Variants in ZNF804B observed in about 807,000 individuals in gnomAD.
ZNF804B encodes the protein zinc finger protein 804B.
ZNF804B carries 80 observed loss-of-function variants against 101.4 expected under a neutral mutation model. The ratio of observed to expected loss-of-function variants is 0.79; its 90% CI spans 0.66 to 0.95. The LOEUF is 0.95. Ranked by LOEUF, ZNF804B falls within the 40% of genes least tolerant of loss-of-function variation. ZNF804B has a pLI of 0.00. For missense variants in ZNF804B, 1,673 were observed against 1,561.9 expected (o/e 1.07, Z -1.20); for synonymous variants, 622 against 558.8 (o/e 1.11, Z -1.59).
intron 1 of ZNF804B, among the ~76,000 whole-genome samples, chr7:89,078,260 G>A (rs1043124582): frequency 6.6e-6 from 1 of 151,888 alleles, no homozygotes; most frequent in African/African-American, 2.4e-5. Flanking sequence ...TGAGCACTGC[G>A]GGAAATCAAG....
At chr7:89,318,237 G>A (rs1017438322) in intron 2 of ZNF804B, among the ~76,000 whole-genome samples, 1 of 152,150 alleles carries the variant, frequency 6.6e-6, no homozygotes, top group East Asian at 1.9e-4. Flanking sequence ...TAATAGGAAT[G>A]GAAAGAGGAG....
In ZNF804B at chr7:88,908,378, T is replaced by G. The variant is rs1305797493; in HGVS notation, c.108+148294T>G. 2.0e-5 allele frequency among the ~76,000 whole-genome samples: 3 copies of G among 151,706 alleles called. No homozygotes were observed. In the East Asian group the frequency reaches 5.8e-4, roughly 29 times the overall value. ...CTCCCAGAAAAATAATGAACACCTG[T>G]ACATATAATTTGAAAAAGTAACACA... On this transcript the variant is annotated intron_variant, in intron 1 of 3. Coordinates refer to ENST00000333190, the MANE Select transcript of ZNF804B (RefSeq NM_181646.5).
At chr7:89,084,696 C>T (rs1267971573) in intron 1 of ZNF804B, among the ~76,000 whole-genome samples, 9 of 151,840 alleles carry the variant, frequency 5.9e-5, no homozygotes, top group Non-Finnish European at 5.9e-5. Context: ...TAAATGTCTT[C>T]AAATGTTTAG....
intron 1 of ZNF804B, among the ~76,000 whole-genome samples, chr7:88,970,906 C>T (rs1405573818): frequency 1.3e-5 from 2 of 149,074 alleles, no homozygotes; most frequent in African/African-American, 4.9e-5. Context: ...CAACATGGCA[C>T]ATGTATACAT....
intron 1 of ZNF804B, among the ~76,000 whole-genome samples, chr7:89,217,467 A>T (rs1438855098): frequency 6.6e-6 from 1 of 152,196 alleles, no homozygotes; most frequent in Non-Finnish European, 1.5e-5. Context: ...GAGATAATTC[A>T]TACACCTTGT....
At chr7:89,241,049 G>C (rs1191874424) in intron 2 of ZNF804B, among the ~76,000 whole-genome samples, 1 of 151,938 alleles carries the variant, frequency 6.6e-6, no homozygotes, top group African/African-American at 2.4e-5. Flanking sequence ...TCTCCCAACT[G>C]TCAGTACCTA....
At position 88,914,476 on chromosome 7, in the gene ZNF804B, A is replaced by AT. The variant is rs1330513298; in HGVS notation, c.108+154398dup. Among the ~76,000 whole-genome samples, 22 of 152,242 alleles carry AT rather than the reference A, an allele frequency of 1.4e-4. 1 individual carries two copies. Among genetic ancestry groups the AT allele is most frequent in the African/African-American group, 4.8e-4 (20 of 41,560 alleles). ...GAGCAACACTTGAAGTGGAATACCAATTTTTTGACCCTAGCCAGCAGTGCC... is the reference window on the plus strand; with the variant it reads ...GAGCAACACTTGAAGTGGAATACCAATTTTTTTGACCCTAGCCAGCAGTGCC... On this transcript the variant is annotated intron_variant, in intron 1 of 3. Transcript: ENST00000333190.
At chr7:89,206,894 A>G (rs1000222484) in intron 1 of ZNF804B, among the ~76,000 whole-genome samples, 4 of 152,184 alleles carry the variant, frequency 2.6e-5, no homozygotes, top group African/African-American at 9.7e-5. Context: ...AAGTTTCACA[A>G]ATCCCTATGG....
At chr7:89,100,589 T>C (rs1463964069) in intron 1 of ZNF804B, among the ~76,000 whole-genome samples, 1 of 152,096 alleles carries the variant, frequency 6.6e-6, no homozygotes, top group Non-Finnish European at 1.5e-5. Context: ...ATTACAATAA[T>C]ATATAAGGTG....
chr7:88,788,429 G>A (rs997884432), intron 1 of ZNF804B, among the ~76,000 whole-genome samples: 10 of 152,062 alleles, frequency 6.6e-5, no homozygotes, highest in African/African-American at 9.6e-5. Context: ...TGTTCTGACC[G>A]TTACCACCCC....
At chr7:89,297,571 T>G (rs772216646) in intron 2 of ZNF804B, among the ~76,000 whole-genome samples, 4 of 152,084 alleles carry the variant, frequency 2.6e-5, no homozygotes, top group African/African-American at 4.8e-5. Flanking sequence ...GCTGCAGAAC[T>G]TTGACATTTC....
chr7:89,199,364 G>A (rs180949805), intron 1 of ZNF804B, among the ~76,000 whole-genome samples: 21 of 151,902 alleles, frequency 1.4e-4, no homozygotes, highest in Admixed American at 7.9e-4. Flanking sequence ...AATTATTACA[G>A]TACAGCACAT....
intron 1 of ZNF804B, among the ~76,000 whole-genome samples, chr7:88,790,148 G>A (rs1363816957): frequency 6.6e-6 from 1 of 151,992 alleles, no homozygotes; most frequent in Non-Finnish European, 1.5e-5. Flanking sequence ...ATATATGTTC[G>A]CTGTTATATG....
intron 2 of ZNF804B, among the ~76,000 whole-genome samples, chr7:89,236,812 C>G (rs1462106240): frequency 6.6e-6 from 1 of 152,012 alleles, no homozygotes; most frequent in African/African-American, 2.4e-5. Flanking sequence ...AATATTCTGA[C>G]AAGTAATTTT....
At chr7:89,069,318 C>T (rs914149529) in intron 1 of ZNF804B, among the ~76,000 whole-genome samples, 5 of 152,152 alleles carry the variant, frequency 3.3e-5, no homozygotes, top group Non-Finnish European at 7.3e-5. Flanking sequence ...AGAAGGAAAA[C>T]TCATGTACCA....
intron 2 of ZNF804B, among the ~76,000 whole-genome samples, chr7:89,251,009 C>T (rs1313039247): frequency 6.6e-6 from 1 of 152,176 alleles, no homozygotes; most frequent in African/African-American, 2.4e-5. Flanking sequence ...AAACTAGAGG[C>T]ATTCCCCCTT....
intron 2 of ZNF804B, among the ~76,000 whole-genome samples, chr7:89,265,303 C>CACGCGCGCGT (rs1554386426): frequency 3.7e-5 from 5 of 135,886 alleles, no homozygotes; most frequent in African/African-American, 7.6e-5. Flanking sequence ...TGCGCGTGCG[C>CACGCGCGCGT]GCGCGCACAC....
At chr7:88,983,149 G>A (rs1793715564) in intron 1 of ZNF804B, among the ~76,000 whole-genome samples, 2 of 152,014 alleles carry the variant, frequency 1.3e-5, no homozygotes, top group African/African-American at 4.8e-5. Context: ...TACAACTGTG[G>A]TCTGGATCAA....
chr7:89,035,817 T>C (rs1473259141), intron 1 of ZNF804B, among the ~76,000 whole-genome samples: 1 of 148,816 alleles, frequency 6.7e-6, no homozygotes, highest in Non-Finnish European at 1.5e-5. Flanking sequence ...ACCCGTAGGG[T>C]ATGGGAAAAA....
Sources: allele counts gnomAD v4.1 joint callset (sites outside exome capture counted in the v4.1 genomes callset), GRCh38; gene constraint gnomAD v4.1.1; transcripts MANE v1.5; gene names NCBI Gene and HGNC (gene_info 2026-07-23, HGNC 2026-07-21).